GLI3: variants seen among roughly 807,000 people sequenced by gnomAD.
The protein encoded by GLI3 is GLI family zinc finger 3, also known as transcription activator GLI3.
GLI3 carries 20 observed loss-of-function variants against 100.8 expected under a neutral mutation model. The observed-to-expected ratio is 0.20, with a 90% CI of 0.14 to 0.29. The LOEUF (loss-of-function observed/expected upper bound fraction) is 0.29, where lower values mean the gene tolerates loss of function less well. GLI3 is among the 10% of genes least tolerant of loss of function. The probability of loss-of-function intolerance (pLI) is 1.00; values close to 1 mark genes in which losing one functional copy is unlikely to be tolerated. For missense variants in GLI3, 2,040 were observed against 2,128.5 expected (o/e 0.96, Z 0.82); for synonymous variants, 938 against 860.5 (o/e 1.09, Z -1.58).
At chr7:41,967,087 C>A (rs887971177) in intron 14 of GLI3, among the ~76,000 whole-genome samples, 3 of 152,250 alleles carry the variant, frequency 2.0e-5, no homozygotes, top group East Asian at 3.8e-4. Flanking sequence ...GCGTCCTGTT[C>A]ATGCCACATC....
intron 1 of GLI3, among the ~76,000 whole-genome samples, chr7:42,254,896 T>A (rs1789069581): frequency 6.6e-6 from 1 of 151,984 alleles, no homozygotes; most frequent in Non-Finnish European, 1.5e-5. Flanking sequence ...CCAGATATAA[T>A]TCAATAATTT....
intron 1 of GLI3, among the ~76,000 whole-genome samples, chr7:42,259,363 T>C (rs547728428): frequency 4.8e-4 from 73 of 152,352 alleles, no homozygotes; most frequent in Non-Finnish European, 4.1e-4. Flanking sequence ...CTTTAGGGCT[T>C]AGAACTCTGT....
At chr7:41,997,883 C>A (rs934264514) in intron 10 of GLI3, among the ~76,000 whole-genome samples, 1 of 152,164 alleles carries the variant, frequency 6.6e-6, no homozygotes, top group Non-Finnish European at 1.5e-5. Context: ...AGCCGTTCAC[C>A]AATCCAGATG....
intron 4 of GLI3, among the ~76,000 whole-genome samples, chr7:42,073,791 A>G (rs1422607308): frequency 2.0e-5 from 3 of 152,212 alleles, no homozygotes; most frequent in Admixed American, 2.0e-4. Flanking sequence ...ATATCTCCAA[A>G]TTTTGTCTTC....
intron 2 of GLI3, among the ~76,000 whole-genome samples, chr7:42,219,977 C>T (rs993374835): frequency 2.0e-5 from 3 of 151,918 alleles, no homozygotes; most frequent in African/African-American, 7.3e-5. Flanking sequence ...CCTCAGCCTC[C>T]CGAGTGGCTG....
chr7:42,237,920 G>C (rs1409054982), upstream of GLI3: 2 of 147,790 alleles, frequency 1.4e-5, no homozygotes, highest in Non-Finnish European at 3.0e-5. Context: ...GGCCGGGGTC[G>C]GGGGCTGGGG....
intron 4 of GLI3, among the ~76,000 whole-genome samples, chr7:42,072,451 A>G (rs1444854173): frequency 1.3e-5 from 2 of 152,242 alleles, no homozygotes; most frequent in Non-Finnish European, 2.9e-5. Flanking sequence ...AAAAGGAAGC[A>G]TGCTTAATTG....
intron 1 of GLI3, among the ~76,000 whole-genome samples, chr7:42,255,299 C>A (rs1251646580): frequency 2.0e-5 from 3 of 152,170 alleles, no homozygotes. Flanking sequence ...CACTGCCAGC[C>A]TTATCATTGT....
chr7:42,056,407 A>G (rs1421073377), intron 4 of GLI3, among the ~76,000 whole-genome samples: 1 of 152,166 alleles, frequency 6.6e-6, no homozygotes, highest in Non-Finnish European at 1.5e-5. Flanking sequence ...CATTCACAGG[A>G]GGCTCCCAAA....
rs150595299 is a variant in GLI3, at chr7:41,982,871, C to T, written c.1498-4123G>A. 1.3e-3 allele frequency among the ~76,000 whole-genome samples: 203 copies of T among 152,238 alleles called. 8 individuals are homozygous for T. The East Asian group carries it at 0.032, about 24-fold the overall frequency. On this transcript the variant is annotated intron_variant, in intron 10 of 14. Coordinates refer to ENST00000395925, the MANE Select transcript of GLI3 (RefSeq NM_000168.6). ...GACCAATTCACCTATTTGGCCCTTA[C>T]TTTTCTCATCTGTAAAATTAGAGTA...
At chr7:42,043,050 T>C (rs889315367) in intron 6 of GLI3, among the ~76,000 whole-genome samples, 1 of 152,132 alleles carries the variant, frequency 6.6e-6, no homozygotes, top group Non-Finnish European at 1.5e-5. Flanking sequence ...ACCCAGTTTA[T>C]TGAGGGTTGT....
chr7:42,164,746 C>G (rs567221325), intron 2 of GLI3, among the ~76,000 whole-genome samples: 9 of 151,920 alleles, frequency 5.9e-5, no homozygotes, highest in Admixed American at 1.3e-4. Context: ...AGGAGAATGG[C>G]ATGAACTCAG....
rs141208627 is a variant in GLI3, at chr7:42,132,389, C to G, written c.367+15837G>C. Among the ~76,000 whole-genome samples the G allele has an allele frequency of 5.6e-3, 858 of 152,208 alleles. 4 individuals carry two copies. Among genetic ancestry groups the G allele is most frequent in the Non-Finnish European group, 8.0e-3 (547 of 68,022 alleles). ...TGCTGGGATTACAGGCGTGAGCCAC[C>G]GCGCCCGGCCGGCTTCATGATTTAT... On this transcript the variant is annotated intron_variant, in intron 3 of 14. Transcript: ENST00000395925.
At chr7:41,974,206 A>G (rs1583743862) in intron 12 of GLI3, among the ~76,000 whole-genome samples, 1 of 152,352 alleles carries the variant, frequency 6.6e-6, no homozygotes, top group African/African-American at 2.4e-5. Flanking sequence ...GACGCAGCCA[A>G]TATGTAATGA....
At chr7:42,185,236 G>A (rs1290371173) in intron 2 of GLI3, among the ~76,000 whole-genome samples, 1 of 152,188 alleles carries the variant, frequency 6.6e-6, no homozygotes, top group African/African-American at 2.4e-5. Flanking sequence ...TGTTTCCTGA[G>A]TCCATCAGAA....
chr7:42,124,115 T>C (rs1407037455), intron 3 of GLI3, among the ~76,000 whole-genome samples: 1 of 152,142 alleles, frequency 6.6e-6, no homozygotes, highest in Non-Finnish European at 1.5e-5. Context: ...GGAGAGGAGT[T>C]ACCCTTAAAA....
At chr7:42,183,378 A>T (rs1188596052) in intron 2 of GLI3, among the ~76,000 whole-genome samples, 1 of 152,158 alleles carries the variant, frequency 6.6e-6, no homozygotes, top group Non-Finnish European at 1.5e-5. Context: ...ATGCTGATGA[A>T]CTTTCATGTG....
chr7:42,005,307 C>T (rs1035761910), intron 10 of GLI3, among the ~76,000 whole-genome samples: 8 of 152,044 alleles, frequency 5.3e-5, no homozygotes, highest in Non-Finnish European at 1.2e-4. Flanking sequence ...CTTTGGTGAG[C>T]GTGGTCTCTT....
At chr7:42,093,161 C>T (rs1004977565) in intron 3 of GLI3, among the ~76,000 whole-genome samples, 3 of 151,850 alleles carry the variant, frequency 2.0e-5, no homozygotes, top group African/African-American at 7.2e-5. Context: ...GGGCAAATCA[C>T]CTGAGGTCAG....
Sources: allele counts gnomAD v4.1 joint callset (sites outside exome capture counted in the v4.1 genomes callset), GRCh38; gene constraint gnomAD v4.1.1; transcripts MANE v1.5; gene names NCBI Gene and HGNC (gene_info 2026-07-23, HGNC 2026-07-21).